Variants in TNFRSF21 observed in about 807,000 individuals in gnomAD.
The protein encoded by TNFRSF21 is tumor necrosis factor receptor superfamily member 21.
In TNFRSF21, 19 loss-of-function variants were observed where a neutral mutation model predicts 45.6. The observed-to-expected ratio is 0.42, with a 90% CI of 0.29 to 0.61. The LOEUF is 0.61. Among genes scored for constraint, TNFRSF21 ranks in the 20% least tolerant of loss-of-function variants. The pLI, the probability that TNFRSF21 is intolerant of heterozygous loss-of-function variation, is 0.23. For synonymous variants in TNFRSF21, 314 were observed against 335.5 expected (o/e 0.94, Z 0.70); for missense variants, 737 against 851.5 (o/e 0.87, Z 1.67).
intron 1 of TNFRSF21, 85 bp downstream of exon 1, chr6:47,309,331 C>T: frequency 6.8e-7 from 1 of 1,462,366 alleles, no homozygotes; most frequent in Non-Finnish European, 9.0e-7. Context: ...TCCCTAAGCC[C>T]CGGCCCGGTG....
rs1222241101 is a variant in TNFRSF21 at position 47,231,789 on chromosome 6, C to T, written c.*976G>A. 1 of 152,580 alleles carries T rather than the reference C, an allele frequency of 6.6e-6. No individual in the cohort carries two copies. The highest frequency in any genetic ancestry group is 2.4e-5 in the African/African-American group (1 of 41,432). The allele number at this position is 152,580 out of a possible 1,614,324, so 9.5% of individuals were successfully genotyped here. On this transcript the variant is annotated 3_prime_UTR_variant, in exon 6 of 6. Coordinates refer to ENST00000296861, the MANE Select transcript of TNFRSF21 (RefSeq NM_014452.5). ...GAAGGAATCCCACCAGGACCAAGGC[C>T]TTGAGAGCAGATTGGACCTATTGAT...
At chr6:47,287,231 C>T (rs1245970217) in intron 1 of TNFRSF21, among the ~76,000 whole-genome samples, 2 of 142,466 alleles carry the variant, frequency 1.4e-5, no homozygotes, top group East Asian at 4.1e-4. Flanking sequence ...CGCTTGAACC[C>T]AGGAGGTGGA....
chr6:47,239,633 C>T (rs13215557), intron 4 of TNFRSF21, among the ~76,000 whole-genome samples: 1 of 152,114 alleles, frequency 6.6e-6, no homozygotes, highest in South Asian at 2.1e-4. Context: ...TAGTCAGCTC[C>T]TAAAAATCAA....
intron 1 of TNFRSF21, among the ~76,000 whole-genome samples, chr6:47,286,946 T>A (rs1762658127): frequency 1.3e-5 from 2 of 152,178 alleles, no homozygotes; most frequent in South Asian, 4.1e-4. Flanking sequence ...TAGCTGAGAT[T>A]TAAAATGTTA....
At chr6:47,298,761 A>G (rs1296997925) in intron 1 of TNFRSF21, among the ~76,000 whole-genome samples, 1 of 152,208 alleles carries the variant, frequency 6.6e-6, no homozygotes, top group Non-Finnish European at 1.5e-5. Context: ...GATATATACT[A>G]TCTGGCCTTT....
At chr6:47,305,029 TC>T (rs1293829782) in intron 1 of TNFRSF21, among the ~76,000 whole-genome samples, 6 of 150,068 alleles carry the variant, frequency 4.0e-5, no homozygotes, top group East Asian at 1.9e-4. Context: ...GATTTGAAAG[TC>T]TTTTTTTTCT....
chr6:47,271,994 A>T (rs1016020521), intron 3 of TNFRSF21, among the ~76,000 whole-genome samples: 1 of 152,228 alleles, frequency 6.6e-6, no homozygotes, highest in Non-Finnish European at 1.5e-5. Context: ...CACCAAATAC[A>T]GGAGCACCCA....
intron 3 of TNFRSF21, among the ~76,000 whole-genome samples, chr6:47,265,840 C>CCCCATTTT (rs1375570999): frequency 6.6e-6 from 1 of 152,170 alleles, no homozygotes; most frequent in African/African-American, 2.4e-5. Context: ...GTAGCAAACA[C>CCCCATTTT]CCCATAAATT....
chr6:47,275,216 T>C (rs182541932), intron 3 of TNFRSF21, among the ~76,000 whole-genome samples: 1 of 152,174 alleles, frequency 6.6e-6, no homozygotes, highest in East Asian at 1.9e-4. Flanking sequence ...ATATGTTTAT[T>C]GCAGCACTAT....
chr6:47,303,771 A>G (rs1318903740), intron 1 of TNFRSF21, among the ~76,000 whole-genome samples: 1 of 152,236 alleles, frequency 6.6e-6, no homozygotes, highest in Non-Finnish European at 1.5e-5. Context: ...CATGCAAGCC[A>G]ATTTAGGATT....
intron 1 of TNFRSF21, among the ~76,000 whole-genome samples, chr6:47,307,339 C>A (rs541900728): frequency 2.6e-5 from 4 of 152,064 alleles, no homozygotes; most frequent in African/African-American, 9.7e-5. Context: ...GTTGCAAATC[C>A]AGTGCACAAT....
At position 47,253,274 on chromosome 6, in the gene TNFRSF21, C is replaced by T. The variant is rs138972154; in HGVS notation, c.1491G>A (p.Leu497=). The T allele has an allele frequency of 8.1e-6, 13 of 1,613,214 alleles. No individual in the cohort carries two copies. The African/African-American group carries it at 1.3e-4, about 17-fold the overall frequency. The change falls in exon 4 of 6, where the codon CTG becomes CTA. Residue 497 remains leucine (L), a synonymous_variant. Coordinates refer to ENST00000296861, the MANE Select transcript of TNFRSF21 (RefSeq NM_014452.5). ...RNDVVEKIRG[L]MEDTTQLETD... is the part of the protein sequence containing the mutation. Reference sequence around the variant, plus strand: ...CCATTACCTGGGTGGTGTCTTCCATCAGCCCACGAATCTTCTCCACAACAT... The same window carrying T: ...CCATTACCTGGGTGGTGTCTTCCATTAGCCCACGAATCTTCTCCACAACAT...
chr6:47,272,452 G>C (rs1287452842), intron 3 of TNFRSF21, among the ~76,000 whole-genome samples: 3 of 152,206 alleles, frequency 2.0e-5, no homozygotes, highest in Non-Finnish European at 2.9e-5. Flanking sequence ...AAATAAAGAT[G>C]TTCTTTGAAA....
chr6:47,300,638 G>A (rs181427291), intron 1 of TNFRSF21, among the ~76,000 whole-genome samples: 4 of 151,994 alleles, frequency 2.6e-5, no homozygotes, highest in African/African-American at 7.3e-5. Flanking sequence ...AGCTCGATCC[G>A]TTGTCCCCAT....
rs115043227 is a variant in TNFRSF21, at chr6:47,251,479, G to A, written c.1509+1777C>T. On this transcript the variant is annotated intron_variant, in intron 4 of 5. Transcript: ENST00000296861. ...AAGAAGCTGCTTTGTTCTCTCATTC[G>A]TTGACCTAATGATTTTATTATGAAT... Among the ~76,000 whole-genome samples, 555 of 152,270 alleles carry A rather than the reference G, an allele frequency of 3.6e-3. 6 individuals carry two copies. The highest frequency in any genetic ancestry group is 0.012 in the African/African-American group (510 of 41,556).
At chr6:47,244,869 T>C (rs1764801467) in intron 4 of TNFRSF21, among the ~76,000 whole-genome samples, 2 of 152,330 alleles carry the variant, frequency 1.3e-5, no homozygotes, top group East Asian at 3.9e-4. Flanking sequence ...TACCTGTTAT[T>C]GACACTTGGG....
At chr6:47,286,715 C>T (rs1762655164) in intron 1 of TNFRSF21, 120 bp from the exon 2 acceptor site, 2 of 1,088,606 alleles carry the variant, frequency 1.8e-6, no homozygotes, top group Non-Finnish European at 1.3e-6. Context: ...AAAGATCCGA[C>T]CAGGACTGCA....
intron 1 of TNFRSF21, among the ~76,000 whole-genome samples, chr6:47,288,306 T>G (rs1285550221): frequency 6.6e-6 from 1 of 152,212 alleles, no homozygotes; most frequent in African/African-American, 2.4e-5. Flanking sequence ...ATGTACACAT[T>G]GTATCATTCC....
chr6:47,233,118 C>T (rs1256215942), intron 5 of TNFRSF21, 124 bp from the exon 6 acceptor site: 2 of 798,650 alleles, frequency 2.5e-6, no homozygotes, highest in Admixed American at 5.2e-5. Context: ...TATTCTCCAT[C>T]CTCCATTACA....
Sources: gnomAD v4.1 joint callset for allele counts (sites outside exome capture counted in the v4.1 genomes callset) on GRCh38, gnomAD v4.1.1 for gene constraint, MANE v1.5 for transcripts, NCBI Gene and HGNC (gene_info 2026-07-23, HGNC 2026-07-21) for gene names.